Variants in NMBR observed in about 807,000 individuals in gnomAD.
The protein encoded by NMBR is neuromedin B receptor.
NMBR carries 16 observed loss-of-function variants against 20.5 expected under a neutral mutation model. The ratio of observed to expected loss-of-function variants is 0.78; its 90% CI spans 0.53 to 1.19. NMBR has a LOEUF of 1.19. NMBR is among the 50% of genes most tolerant of loss of function. NMBR has a pLI of 0.00. For missense variants in NMBR, 582 were observed against 499.1 expected (o/e 1.17, Z -1.58); for synonymous variants, 212 against 196.6 (o/e 1.08, Z -0.65).
intron 1 of NMBR, chr6:142,134,472 TG>T: frequency 2.2e-6 from 1 of 460,568 alleles, no homozygotes. Context: ...GTTTTTTTAG[TG>T]TATTTTAGTT....
At chr6:142,111,038 G>A (rs542969998) in intron 1 of NMBR, among the ~76,000 whole-genome samples, 1 of 152,210 alleles carries the variant, frequency 6.6e-6, no homozygotes, top group South Asian at 2.1e-4. Flanking sequence ...CCAGGAGCTT[G>A]AGACGAGCCT....
At chr6:142,144,586 A>G (rs1778401496) in intron 1 of NMBR, among the ~76,000 whole-genome samples, 1 of 152,166 alleles carries the variant, frequency 6.6e-6, no homozygotes. Flanking sequence ...TCTGAGATGA[A>G]TGGAGAAGAA....
At chr6:142,133,904 C>A (rs781734823) in intron 1 of NMBR, 1 of 701,866 alleles carries the variant, frequency 1.4e-6, no homozygotes, top group South Asian at 1.5e-5. Context: ...TGGATCGATC[C>A]GAATATTCTT....
chr6:142,116,076 G>A (rs950342209), intron 1 of NMBR, among the ~76,000 whole-genome samples: 6 of 151,690 alleles, frequency 4.0e-5, no homozygotes, highest in East Asian at 1.9e-4. Context: ...TTTACCTGCC[G>A]CCATCCCCAT....
chr6:142,082,752 C>G (rs753808436), intron 2 of NMBR, among the ~76,000 whole-genome samples: 1 of 152,184 alleles, frequency 6.6e-6, no homozygotes, highest in Non-Finnish European at 1.5e-5. Context: ...AGAAATTCAG[C>G]ATTTGAAGAA....
chr6:142,081,143 T>C (rs1162439136), intron 2 of NMBR, among the ~76,000 whole-genome samples: 5 of 152,098 alleles, frequency 3.3e-5, no homozygotes, highest in Non-Finnish European at 7.4e-5. Flanking sequence ...GGTGGAAGGG[T>C]CAAGGGTCTC....
At chr6:142,133,642 T>A (rs1778187613) in intron 1 of NMBR, among the ~76,000 whole-genome samples, 1 of 152,182 alleles carries the variant, frequency 6.6e-6, no homozygotes, top group African/African-American at 2.4e-5. Context: ...ATTAGCCACA[T>A]GTCCCTATCA....
chr6:142,085,858 T>C (rs1199275729), intron 2 of NMBR, among the ~76,000 whole-genome samples: 1 of 152,180 alleles, frequency 6.6e-6, no homozygotes, highest in Non-Finnish European at 1.5e-5. Flanking sequence ...ATAATTGAAT[T>C]TGTTGTTTAA....
intron 1 of NMBR, among the ~76,000 whole-genome samples, chr6:142,130,112 C>T (rs1438139723): frequency 6.6e-6 from 1 of 152,158 alleles, no homozygotes; most frequent in Non-Finnish European, 1.5e-5. Context: ...CCAGGCTCTG[C>T]AGCACCATCC....
intron 1 of NMBR, among the ~76,000 whole-genome samples, chr6:142,106,738 GCA>G (rs1777668568): frequency 6.6e-6 from 1 of 152,186 alleles, no homozygotes; most frequent in South Asian, 2.1e-4. Flanking sequence ...TATTTTGTAA[GCA>G]CAGAGCTAAA....
chr6:142,110,469 T>G, intron 1 of NMBR, among the ~76,000 whole-genome samples: 1 of 152,286 alleles, frequency 6.6e-6, no homozygotes. Flanking sequence ...TTTTGAAAGA[T>G]CACTATTGTA....
intron 2 of NMBR, among the ~76,000 whole-genome samples, chr6:142,083,363 C>G (rs1202662259): frequency 6.6e-6 from 1 of 152,202 alleles, no homozygotes; most frequent in Admixed American, 6.5e-5. Flanking sequence ...CTATGACTCA[C>G]ATTTTGTGAA....
chr6:142,121,703 T>TA (rs376484272), intron 1 of NMBR, among the ~76,000 whole-genome samples: 1 of 151,642 alleles, frequency 6.6e-6, no homozygotes, highest in East Asian at 1.9e-4. Context: ...TCCTTAGCCT[T>TA]AAAAAAATAC....
At chr6:142,144,237 A>C (rs561598799) in intron 1 of NMBR, among the ~76,000 whole-genome samples, 1 of 152,298 alleles carries the variant, frequency 6.6e-6, no homozygotes, top group South Asian at 2.1e-4. Context: ...TGGAAGCCAA[A>C]TTTCTACCAC....
intron 1 of NMBR, among the ~76,000 whole-genome samples, chr6:142,102,324 A>G (rs1411781052): frequency 6.7e-6 from 1 of 149,308 alleles, no homozygotes; most frequent in Non-Finnish European, 1.5e-5. Context: ...CGGAAGGTGG[A>G]GCTTGCAAGG....
At chr6:142,122,793 C>A (rs1256808742) in intron 1 of NMBR, among the ~76,000 whole-genome samples, 1 of 151,766 alleles carries the variant, frequency 6.6e-6, no homozygotes, top group Admixed American at 6.6e-5. Flanking sequence ...GTATAGTTTA[C>A]TGAATATTTT....
intron 1 of NMBR, among the ~76,000 whole-genome samples, chr6:142,112,161 A>T (rs1331500451): frequency 6.6e-6 from 1 of 152,174 alleles, no homozygotes; most frequent in Non-Finnish European, 1.5e-5. Context: ...GAAAATAGTA[A>T]TTTTTAAAGT....
At chr6:142,125,437 ATG>A (rs1778013126) in intron 1 of NMBR, among the ~76,000 whole-genome samples, 1 of 151,596 alleles carries the variant, frequency 6.6e-6, no homozygotes, top group Admixed American at 6.6e-5. Context: ...ACACATATAC[ATG>A]TGCATGCATA....
chr6:142,144,104 G>T lies in NMBR; in HGVS notation c.-664+2940C>A, dbSNP rs1455768733. ...CATGTCCCAGCCATGGGCGGATGGGGTGGCAAATGGTCCTGGCCAAGTTTT... is the reference window on the plus strand; with the variant it reads ...CATGTCCCAGCCATGGGCGGATGGGTTGGCAAATGGTCCTGGCCAAGTTTT... On this transcript the variant is annotated intron_variant, in intron 1 of 3. Transcript: ENST00000258042. Among the ~76,000 whole-genome samples, 4 of 152,208 alleles carry T rather than the reference G, an allele frequency of 2.6e-5. No individual in the cohort carries two copies. In the South Asian group the frequency reaches 8.3e-4, roughly 31 times the overall value.
Sources: gnomAD v4.1 joint callset for allele counts (sites outside exome capture counted in the v4.1 genomes callset) on GRCh38, gnomAD v4.1.1 for gene constraint, MANE v1.5 for transcripts, NCBI Gene and HGNC (gene_info 2026-07-23, HGNC 2026-07-21) for gene names.